Variants in ADGRL3 observed in about 807,000 individuals in gnomAD.
ADGRL3 encodes the protein calcium-independent alpha-latrotoxin receptor 3.
ADGRL3 carries 62 observed loss-of-function variants against 153.5 expected under a neutral mutation model. The ratio of observed to expected loss-of-function variants is 0.40; its 90% CI spans 0.33 to 0.50. The LOEUF is 0.50. ADGRL3 is among the 20% of genes least tolerant of loss of function. The probability of loss-of-function intolerance (pLI) is 0.47; values close to 1 mark genes in which losing one functional copy is unlikely to be tolerated. For synonymous variants in ADGRL3, 710 were observed against 672.5 expected (o/e 1.06, Z -0.86); for missense variants, 1,641 against 1,859.4 (o/e 0.88, Z 2.16).
intron 1 of ADGRL3, among the ~76,000 whole-genome samples, chr4:61,290,088 G>T (rs1177272018): frequency 6.6e-6 from 1 of 152,020 alleles, no homozygotes; most frequent in Non-Finnish European, 1.5e-5. Flanking sequence ...GAAGTATTGT[G>T]GGTCTTTGTG....
intron 11 of ADGRL3, among the ~76,000 whole-genome samples, chr4:61,898,098 G>T (rs935217004): frequency 3.3e-5 from 5 of 152,026 alleles, no homozygotes; most frequent in Admixed American, 6.6e-5. Context: ...CCATTTACCT[G>T]TCAAGCGACC....
At chr4:61,644,789 T>A (rs2093881749) in intron 5 of ADGRL3, among the ~76,000 whole-genome samples, 1 of 152,184 alleles carries the variant, frequency 6.6e-6, no homozygotes. Flanking sequence ...GTTCTGGAGA[T>A]GTCTATTATG....
chr4:61,891,314 T>C (rs2098583281), intron 9 of ADGRL3, among the ~76,000 whole-genome samples: 1 of 152,178 alleles, frequency 6.6e-6, no homozygotes. Flanking sequence ...TAAGACACTC[T>C]GCCTTCTTGT....
chr4:61,365,251 CA>C (rs111428328), intron 1 of ADGRL3, among the ~76,000 whole-genome samples: 98,773 of 149,116 alleles, frequency 0.66, 32,490 homozygotes, highest in Middle Eastern at 0.79. Flanking sequence ...AAAAAAATTA[CA>C]AAAAAAAAAA....
At chr4:61,950,779 C>A (rs1205495598) in intron 17 of ADGRL3, among the ~76,000 whole-genome samples, 2 of 152,106 alleles carry the variant, frequency 1.3e-5, no homozygotes, top group Admixed American at 6.5e-5. Flanking sequence ...ACAGGCGATG[C>A]GTCTTGGAGT....
chr4:61,688,166 A>G (rs570583887), intron 6 of ADGRL3, among the ~76,000 whole-genome samples: 2 of 152,278 alleles, frequency 1.3e-5, no homozygotes, highest in Admixed American at 1.3e-4. Flanking sequence ...TACCTTGGCT[A>G]AAACAGAAAC....
chr4:61,284,017 G>A (rs1419004825), intron 1 of ADGRL3, among the ~76,000 whole-genome samples: 1 of 151,926 alleles, frequency 6.6e-6, no homozygotes, highest in Non-Finnish European at 1.5e-5. Flanking sequence ...TAGTCCTTGT[G>A]TTTGTGAACC....
At chr4:61,420,627 C>G (rs890856681) in intron 2 of ADGRL3, 3 of 151,160 alleles carry the variant, frequency 2.0e-5, no homozygotes, top group African/African-American at 7.3e-5. Flanking sequence ...AGGATGGTCT[C>G]GATCTCCTGA....
At chr4:62,008,861 C>T (rs1486539283) in intron 21 of ADGRL3, among the ~76,000 whole-genome samples, 1 of 151,920 alleles carries the variant, frequency 6.6e-6, no homozygotes, top group African/African-American at 2.4e-5. Flanking sequence ...TGTATGATGG[C>T]GATCTCATAA....
At chr4:61,256,234 A>C (rs188911431) in intron 1 of ADGRL3, among the ~76,000 whole-genome samples, 3 of 152,156 alleles carry the variant, frequency 2.0e-5, no homozygotes, top group African/African-American at 7.2e-5. Context: ...CAACATAACA[A>C]TTGGTTGTTT....
chr4:61,919,777 G>C (rs1450403447), intron 13 of ADGRL3, among the ~76,000 whole-genome samples: 1 of 152,138 alleles, frequency 6.6e-6, no homozygotes, highest in Non-Finnish European at 1.5e-5. Flanking sequence ...ATCATTCTGG[G>C]AATCTCTCAC....
At chr4:61,261,134 G>GACTA (rs1257092361) in intron 1 of ADGRL3, among the ~76,000 whole-genome samples, 5 of 151,328 alleles carry the variant, frequency 3.3e-5, no homozygotes, top group Non-Finnish European at 5.9e-5. Flanking sequence ...GAGTAGCTGG[G>GACTA]ACTACAAGCA....
chr4:61,648,548 G>GT lies in ADGRL3; in HGVS notation c.474-28270dup, dbSNP rs1038117084. On this transcript the variant is annotated intron_variant, in intron 5 of 26. Coordinates refer to ENST00000683033, the MANE Select transcript of ADGRL3 (RefSeq NM_001387552.1). ...TGTTTTTTTTTCTGTTTCTTTTGGG[G>GT]TTTTTTTTAGATTTTAATAGTCTTT... Among the ~76,000 whole-genome samples, 21 of 150,446 alleles carry GT rather than the reference G, an allele frequency of 1.4e-4. No homozygotes were observed. In the South Asian group the frequency reaches 1.9e-3, roughly 14 times the overall value.
At chr4:61,575,826 T>C (rs1257604915) in intron 4 of ADGRL3, among the ~76,000 whole-genome samples, 1 of 152,008 alleles carries the variant, frequency 6.6e-6, no homozygotes, top group African/African-American at 2.4e-5. Flanking sequence ...TCCAGAACCT[T>C]TATTTTAATC....
At chr4:61,556,842 T>A (rs988309079) in intron 4 of ADGRL3, among the ~76,000 whole-genome samples, 2 of 152,164 alleles carry the variant, frequency 1.3e-5, no homozygotes, top group Admixed American at 6.5e-5. Flanking sequence ...GTTGCTCACC[T>A]CCAGTTTTTA....
intron 8 of ADGRL3, among the ~76,000 whole-genome samples, chr4:61,769,591 AC>A (rs1366810336): frequency 6.6e-6 from 1 of 152,114 alleles, no homozygotes; most frequent in African/African-American, 2.4e-5. Context: ...TGTGTGAGCA[AC>A]ATGGCTGTTG....
chr4:61,831,916 C>CA (rs952579221), intron 9 of ADGRL3, among the ~76,000 whole-genome samples: 24 of 145,946 alleles, frequency 1.6e-4, no homozygotes, highest in African/African-American at 3.8e-4. Context: ...CGCTGGCTGG[C>CA]AAAAAAAAAA....
At chr4:61,495,263 C>T (rs970785807) in intron 2 of ADGRL3, among the ~76,000 whole-genome samples, 5 of 152,024 alleles carry the variant, frequency 3.3e-5, no homozygotes, top group Non-Finnish European at 5.9e-5. Context: ...TAATTTTTGC[C>T]TTTTAGTAAA....
intron 13 of ADGRL3, among the ~76,000 whole-genome samples, chr4:61,916,303 A>G (rs1258398667): frequency 6.6e-6 from 1 of 152,188 alleles, no homozygotes; most frequent in African/African-American, 2.4e-5. Context: ...GTTGAGAATC[A>G]CAAGATATAA....
Sources: gnomAD v4.1 joint callset for allele counts (sites outside exome capture counted in the v4.1 genomes callset) on GRCh38, gnomAD v4.1.1 for gene constraint, MANE v1.5 for transcripts, NCBI Gene and HGNC (gene_info 2026-07-23, HGNC 2026-07-21) for gene names.